CA10: variants seen among roughly 807,000 people sequenced by gnomAD.
The protein encoded by CA10 is carbonic anhydrase-related protein 10.
Under a neutral mutation model 44.2 loss-of-function variants are expected in CA10, and 14 were observed. That is an observed-to-expected ratio of 0.32 (90% confidence interval 0.21 to 0.50). The LOEUF (loss-of-function observed/expected upper bound fraction) is 0.50, where lower values mean the gene tolerates loss of function less well. Ranked by LOEUF, CA10 falls within the 20% of genes least tolerant of loss-of-function variation. CA10 has a pLI of 0.99. For synonymous variants in CA10, 159 were observed against 141.6 expected (o/e 1.12, Z -0.87); for missense variants, 350 against 409.7 (o/e 0.85, Z 1.26).
intron 3 of CA10, among the ~76,000 whole-genome samples, chr17:51,780,890 T>C (rs1906031113): frequency 6.6e-6 from 1 of 152,236 alleles, no homozygotes; most frequent in Admixed American, 6.5e-5. Context: ...TTTGTGGTCA[T>C]ATGGCTTCAA....
intron 4 of CA10, among the ~76,000 whole-genome samples, chr17:51,730,922 C>T (rs1298015644): frequency 1.3e-5 from 2 of 149,738 alleles, no homozygotes; most frequent in African/African-American, 2.5e-5. Flanking sequence ...AAAAAAAGTG[C>T]TTGGGTTGTT....
At chr17:51,802,871 T>C (rs1906988241) in intron 3 of CA10, among the ~76,000 whole-genome samples, 1 of 152,156 alleles carries the variant, frequency 6.6e-6, no homozygotes, top group Non-Finnish European at 1.5e-5. Flanking sequence ...GCTTCCAGGC[T>C]CTGCTGAATC....
At chr17:52,068,483 G>T (rs995886287) in intron 2 of CA10, among the ~76,000 whole-genome samples, 4 of 152,188 alleles carry the variant, frequency 2.6e-5, no homozygotes, top group African/African-American at 9.6e-5. Flanking sequence ...GTGCTGTCAA[G>T]TATTCCTCAC....
chr17:51,745,892 T>G (rs2143601092), intron 4 of CA10, among the ~76,000 whole-genome samples: 1 of 152,286 alleles, frequency 6.6e-6, no homozygotes, highest in East Asian at 1.9e-4. Context: ...ATTACAAACC[T>G]TAAAATAACT....
chr17:52,073,840 A>G (rs1032979958), intron 1 of CA10, among the ~76,000 whole-genome samples: 10 of 152,188 alleles, frequency 6.6e-5, no homozygotes, highest in African/African-American at 2.2e-4. Context: ...CTGTCCAACC[A>G]GGGAGTCAGG....
rs369962581 is a variant in CA10 at position 51,835,788 on chromosome 17, C to G, written c.280-87970G>C. Among the ~76,000 whole-genome samples the G allele has an allele frequency of 1.3e-3, 200 of 152,276 alleles. 1 individual carries two copies. The South Asian group carries it at 0.024, about 18-fold the overall frequency. On this transcript the variant is annotated intron_variant, in intron 3 of 8. Coordinates refer to ENST00000451037, the MANE Select transcript of CA10 (RefSeq NM_020178.5). ...GCCTTTGATTTAAGTGGGAAGTCAG[C>G]TACTTAACCAACCTAATAGGCAGTG... is the stretch of plus-strand genomic sequence containing the variant.
At chr17:52,105,390 G>T (rs1988638270) in intron 1 of CA10, among the ~76,000 whole-genome samples, 1 of 152,116 alleles carries the variant, frequency 6.6e-6, no homozygotes, top group African/African-American at 2.4e-5. Flanking sequence ...GAATAGCTGG[G>T]ACTACAGGCG....
chr17:51,805,862 G>T (rs1361135533), intron 3 of CA10, among the ~76,000 whole-genome samples: 1 of 152,110 alleles, frequency 6.6e-6, no homozygotes, highest in East Asian at 1.9e-4. Flanking sequence ...GTGTAGTCTG[G>T]ATTGAGGACC....
intron 4 of CA10, among the ~76,000 whole-genome samples, chr17:51,674,625 A>G (rs551271785): frequency 1.4e-4 from 22 of 152,326 alleles, no homozygotes; most frequent in East Asian, 1.2e-3. Flanking sequence ...TAATCCATAC[A>G]TCTACCTGTC....
intron 4 of CA10, among the ~76,000 whole-genome samples, chr17:51,736,679 A>G (rs1916924737): frequency 6.6e-6 from 1 of 152,222 alleles, no homozygotes; most frequent in Non-Finnish European, 1.5e-5. Context: ...ACTAAGGAAT[A>G]TGGTTTCTTG....
intron 3 of CA10, among the ~76,000 whole-genome samples, chr17:51,828,105 C>A (rs546144431): frequency 6.6e-6 from 1 of 152,284 alleles, no homozygotes; most frequent in African/African-American, 2.4e-5. Context: ...TTCTACTGTA[C>A]AAAGTCACTG....
chr17:51,952,638 T>C (rs1027364215), intron 2 of CA10, among the ~76,000 whole-genome samples: 4 of 151,996 alleles, frequency 2.6e-5, no homozygotes, highest in African/African-American at 7.2e-5. Context: ...AAATAAAAAA[T>C]GTTAGGTCTT....
rs147819056 is a variant in CA10 at position 51,694,363 on chromosome 17, T to C, written c.466-40627A>G. Among the ~76,000 whole-genome samples the C allele has an allele frequency of 4.9e-3, 751 of 152,328 alleles. 9 individuals carry two copies. The highest frequency in any genetic ancestry group is 0.017 in the African/African-American group (713 of 41,570). The stretch of plus-strand genomic sequence containing the variant: ...AATAGCCATTCTGACTTGTGTGAGA[T>C]GGTATCTCTTTGTGGTTTTGATTTG... On this transcript the variant is annotated intron_variant, in intron 4 of 8. Coordinates refer to ENST00000451037, the MANE Select transcript of CA10 (RefSeq NM_020178.5).
chr17:51,938,081 C>G (rs1982935001), intron 2 of CA10, among the ~76,000 whole-genome samples: 2 of 152,086 alleles, frequency 1.3e-5, no homozygotes, highest in Non-Finnish European at 2.9e-5. Flanking sequence ...GGGAAAAGAT[C>G]ATTAGTACCA....
chr17:51,782,061 C>A (rs1341226594), intron 3 of CA10, among the ~76,000 whole-genome samples: 1 of 152,206 alleles, frequency 6.6e-6, no homozygotes, highest in Non-Finnish European at 1.5e-5. Context: ...ACATTAGTCT[C>A]TTTCCCCAAT....
At position 52,158,105 on chromosome 17, in the gene CA10, G is replaced by GCGGCGT. The variant is rs1243354805; in HGVS notation, c.-320_-319insACGCCG. 3.0e-4 allele frequency: 138 copies of GCGGCGT among 463,148 alleles called. 2 individuals are homozygous for GCGGCGT. The highest frequency in any genetic ancestry group is 2.6e-3 in the African/African-American group (128 of 50,146). 28.7% of individuals were successfully genotyped at this position (463,148 alleles called of 1,614,324 possible). A position where few individuals can be genotyped will look rare whatever the true frequency, so the allele number is the denominator to read the frequency against. ...AGCGGCGGAAACCGCACTAGCAGCG[G>GCGGCGT]CGGCGGCGGCGGCGGCGGCAGCAGC... On this transcript the variant is annotated 5_prime_UTR_variant, in exon 1 of 9. Coordinates refer to ENST00000451037, the MANE Select transcript of CA10 (RefSeq NM_020178.5).
At chr17:51,640,805 A>G (rs1913048446) in intron 6 of CA10, among the ~76,000 whole-genome samples, 1 of 152,228 alleles carries the variant, frequency 6.6e-6, no homozygotes, top group Non-Finnish European at 1.5e-5. Context: ...AGCATCCAGC[A>G]GAAAACCATT....
At chr17:52,035,507 C>T (rs1986591160) in intron 2 of CA10, among the ~76,000 whole-genome samples, 1 of 152,240 alleles carries the variant, frequency 6.6e-6, no homozygotes, top group African/African-American at 2.4e-5. Flanking sequence ...AAAAAGCTGT[C>T]ACACTGGCCC....
chr17:51,754,109 G>C (rs1904991786), intron 3 of CA10, among the ~76,000 whole-genome samples: 1 of 151,982 alleles, frequency 6.6e-6, no homozygotes, highest in Non-Finnish European at 1.5e-5. Flanking sequence ...CTCCCAAAGT[G>C]CTGGGATTAC....
Sources: gnomAD v4.1 joint callset for allele counts (sites outside exome capture counted in the v4.1 genomes callset) on GRCh38, gnomAD v4.1.1 for gene constraint, MANE v1.5 for transcripts, NCBI Gene and HGNC (gene_info 2026-07-23, HGNC 2026-07-21) for gene names.